The following RSBN1L variants were observed in gnomAD, a reference collection of about 807,000 sequenced individuals.
RSBN1L encodes lysine-specific demethylase RSBN1L.
RSBN1L carries 30 observed loss-of-function variants against 67.7 expected under a neutral mutation model. That is an observed-to-expected ratio of 0.44 (90% CI 0.33 to 0.60). The LOEUF is 0.60. Ranked by LOEUF, RSBN1L falls within the 20% of genes least tolerant of loss-of-function variation. The probability of loss-of-function intolerance (pLI) is 0.02; values close to 1 mark genes in which losing one functional copy is unlikely to be tolerated. For synonymous variants in RSBN1L, 433 were observed against 387.0 expected (o/e 1.12, Z -1.39); for missense variants, 992 against 1,031.7 (o/e 0.96, Z 0.53).
rs140793052 is a variant in RSBN1L, at chr7:77,715,666, A to G, written c.586+18611A>G. ...TGGCCTGTTAAGTGTGTTTAAGTTCATAAGAAACTGCTGAACTGTTTTCCA... is the reference window on the plus strand; with the variant it reads ...TGGCCTGTTAAGTGTGTTTAAGTTCGTAAGAAACTGCTGAACTGTTTTCCA... On this transcript the variant is annotated intron_variant, in intron 1 of 7. Coordinates refer to ENST00000334955, the MANE Select transcript of RSBN1L (RefSeq NM_198467.3). 1.1e-3 allele frequency among the ~76,000 whole-genome samples: 165 copies of G among 152,292 alleles called. 1 individual carries two copies. The highest frequency in any genetic ancestry group is 3.8e-3 in the African/African-American group (159 of 41,562).
intron 5 of RSBN1L, among the ~76,000 whole-genome samples, chr7:77,771,185 C>T (rs1489803442): frequency 6.6e-6 from 1 of 152,210 alleles, no homozygotes; most frequent in Non-Finnish European, 1.5e-5. Context: ...CGTGATCCTC[C>T]TGCCTCGGCC....
At chr7:77,701,538 A>G (rs1413361715) in intron 1 of RSBN1L, among the ~76,000 whole-genome samples, 3 of 151,968 alleles carry the variant, frequency 2.0e-5, no homozygotes, top group Non-Finnish European at 4.4e-5. Flanking sequence ...AAAGTTGTCT[A>G]TTCTACTATC....
At chr7:77,727,696 C>T (rs1365947778) in intron 1 of RSBN1L, among the ~76,000 whole-genome samples, 1 of 151,778 alleles carries the variant, frequency 6.6e-6, no homozygotes, top group East Asian at 1.9e-4. Context: ...ACCCTCCTGG[C>T]ATCAAGTACA....
chr7:77,738,863 C>T (rs1325481578), intron 2 of RSBN1L, among the ~76,000 whole-genome samples: 1 of 152,020 alleles, frequency 6.6e-6, no homozygotes, highest in African/African-American at 2.4e-5. Context: ...CGCTTGAACC[C>T]AGGAGGCGGA....
intron 3 of RSBN1L, among the ~76,000 whole-genome samples, chr7:77,764,173 C>G (rs1472569627): frequency 2.0e-5 from 3 of 152,176 alleles, no homozygotes; most frequent in African/African-American, 7.2e-5. Context: ...AGTTTTAAGA[C>G]TGATAGTCCT....
At position 77,749,740 on chromosome 7, in the gene RSBN1L, G is replaced by A; in HGVS notation, c.1020G>A (p.Leu340=). ...GAGTTCAGAATAACCTCAAAAGGTT[G>A]GACACTTTGGAATTTAAACAACTCA... ...EPRVQNNLKR[L]DTLEFKQLIH... Residue 340 remains leucine (L), a synonymous_variant, in exon 3 of 8, where the codon TTG becomes TTA. Coordinates refer to ENST00000334955, the MANE Select transcript of RSBN1L (RefSeq NM_198467.3). 6.2e-7 allele frequency: 1 copy of A among 1,614,086 alleles called. No individual in the cohort carries two copies. The highest frequency in any genetic ancestry group is 2.2e-5 in the East Asian group (1 of 44,866).
At chr7:77,708,663 T>G (rs1790927461) in intron 1 of RSBN1L, among the ~76,000 whole-genome samples, 1 of 151,878 alleles carries the variant, frequency 6.6e-6, no homozygotes, top group African/African-American at 2.4e-5. Context: ...ATTACAGGCG[T>G]GAGCCACCGC....
chr7:77,779,816 CT>C lies in RSBN1L; in HGVS notation c.*662del, dbSNP rs750541557. 187 of 132,826 alleles carry C rather than the reference CT, an allele frequency of 1.4e-3. No homozygotes were observed. The highest frequency in any genetic ancestry group is 1.5e-3 in the Admixed American group (20 of 13,230). 8.2% of individuals were successfully genotyped at this position (132,826 alleles called of 1,614,324 possible). A position where few individuals can be genotyped will look rare whatever the true frequency, so the allele number is the denominator to read the frequency against. On this transcript the variant is annotated 3_prime_UTR_variant, in exon 8 of 8. Coordinates refer to ENST00000334955, the MANE Select transcript of RSBN1L (RefSeq NM_198467.3). ...ATTTAAGTTCCTCACACTGTGCAGG[CT>C]TTTTTTTTTTTTTCTTTTTTTCTTT...
intron 2 of RSBN1L, among the ~76,000 whole-genome samples, chr7:77,741,691 CA>C (rs534456779): frequency 0.011 from 952 of 83,594 alleles, 6 homozygotes; most frequent in African/African-American, 0.028. Flanking sequence ...GACTCGGTCT[CA>C]AAAAAAAAAA....
intron 1 of RSBN1L, among the ~76,000 whole-genome samples, chr7:77,705,763 C>T (rs1355316613): frequency 3.3e-5 from 5 of 151,932 alleles, no homozygotes; most frequent in African/African-American, 4.8e-5. Context: ...CTGCCTGCCT[C>T]GGTCTCACGA....
intron 4 of RSBN1L, among the ~76,000 whole-genome samples, chr7:77,768,184 T>C (rs1164322302): frequency 6.6e-6 from 1 of 152,122 alleles, no homozygotes; most frequent in Non-Finnish European, 1.5e-5. Context: ...AATACTTTAG[T>C]CTCTGGTTTA....
intron 3 of RSBN1L, among the ~76,000 whole-genome samples, chr7:77,757,322 C>G (rs1157338426): frequency 1.3e-5 from 2 of 152,192 alleles, no homozygotes; most frequent in African/African-American, 2.4e-5. Flanking sequence ...TGTTTTCCAT[C>G]TTCATCTGTA....
At position 77,769,761 on chromosome 7, in the gene RSBN1L, CTA is replaced by C. The variant is rs578233439; in HGVS notation, c.1625+960_1625+961del. Among the ~76,000 whole-genome samples the C allele has an allele frequency of 3.7e-4, 57 of 152,188 alleles. 1 individual carries two copies. Among genetic ancestry groups the C allele is most frequent in the Non-Finnish European group, 6.8e-4 (46 of 68,018 alleles). ...GGTAGTTAAGTTTATTTTAAAAGAACTATGAGATATTTTTATTCATTATATTG... is the reference window on the plus strand; with the variant it reads ...GGTAGTTAAGTTTATTTTAAAAGAACTGAGATATTTTTATTCATTATATTG... On this transcript the variant is annotated intron_variant, in intron 5 of 7. Transcript: ENST00000334955.
rs2150411038 is a variant in RSBN1L at position 77,701,997 on chromosome 7, C to T, written c.586+4942C>T. ...TTAGCTTTTGTTTTTTTGAGACGGT[C>T]TTGTACTGTCGCCCAGGCTGGAGTG... On this transcript the variant is annotated intron_variant, in intron 1 of 7. Transcript: ENST00000334955. Among the ~76,000 whole-genome samples the T allele has an allele frequency of 2.0e-5, 3 of 150,602 alleles. No individual in the cohort carries two copies. The East Asian group carries it at 5.9e-4, about 30-fold the overall frequency.
intron 6 of RSBN1L, among the ~76,000 whole-genome samples, chr7:77,777,351 G>T (rs969397347): frequency 6.6e-6 from 1 of 151,320 alleles, no homozygotes; most frequent in African/African-American, 2.4e-5. Flanking sequence ...CCTTTTCATA[G>T]ATCTACATTT....
intron 1 of RSBN1L, among the ~76,000 whole-genome samples, chr7:77,720,931 A>G (rs764047719): frequency 2.0e-5 from 3 of 151,528 alleles, no homozygotes; most frequent in Non-Finnish European, 2.9e-5. Flanking sequence ...TACATTTTGT[A>G]TTTTTAGTAG....
Position 77,696,817 on chromosome 7 carries a change from C to G in RSBN1L, c.348C>G (p.Ala116=). The change falls in exon 1 of 8, where the codon GCC becomes GCG. Residue 116 remains alanine (A), a synonymous_variant. Coordinates refer to ENST00000334955, the MANE Select transcript of RSBN1L (RefSeq NM_198467.3). ...CTGGCACGGCCGTTCCCTCCTCAGC[C>G]TCCGCTTCCTTGTCTCAGCCGGTGC... ...FSAGTAVPSS[A]SASLSQPVPR... is the part of the protein sequence containing the mutation. The G allele has an allele frequency of 6.2e-7, 1 of 1,613,700 alleles. No homozygotes were observed. Among genetic ancestry groups the G allele is most frequent in the South Asian group, 1.1e-5 (1 of 91,080 alleles).
chr7:77,696,736 C>T lies in RSBN1L; in HGVS notation c.267C>T (p.Ala89=), dbSNP rs777689593. 85 of 1,613,624 alleles carry T rather than the reference C, an allele frequency of 5.3e-5. No individual in the cohort carries two copies. Among genetic ancestry groups the T allele is most frequent in the Non-Finnish European group, 6.9e-5 (81 of 1,179,982 alleles). ...GCAGCCCCGCGTCTTGGAGCTTTGC[C>T]CCTCTGTCTGCTGCTCCCTCCCCGT... ...SYGSPASWSF[A]PLSAAPSPSS... Residue 89 remains alanine (A), a synonymous_variant, in exon 1 of 8, where the codon GCC becomes GCT. Coordinates refer to ENST00000334955, the MANE Select transcript of RSBN1L (RefSeq NM_198467.3).
At chr7:77,727,597 C>T (rs1791223344) in intron 1 of RSBN1L, among the ~76,000 whole-genome samples, 1 of 151,670 alleles carries the variant, frequency 6.6e-6, no homozygotes, top group African/African-American at 2.4e-5. Context: ...CAGGCCTGTC[C>T]CACCTTACTC....
Sources: gnomAD v4.1 joint callset for allele counts (sites outside exome capture counted in the v4.1 genomes callset) on GRCh38, gnomAD v4.1.1 for gene constraint, MANE v1.5 for transcripts, NCBI Gene and HGNC (gene_info 2026-07-23, HGNC 2026-07-21) for gene names.